Variants in SMARCD2 observed in about 807,000 individuals in gnomAD.
The protein encoded by SMARCD2 is SWI/SNF related BAF chromatin remodeling complex subunit D2, also known as SWI/SNF-related matrix-associated actin-dependent regulator of chromatin subfamily D member 2.
Under a neutral mutation model 70.4 loss-of-function variants are expected in SMARCD2, and 39 were observed. The ratio of observed to expected loss-of-function variants is 0.55; its 90% CI spans 0.43 to 0.72. The LOEUF is 0.72. Among genes scored for constraint, SMARCD2 ranks in the 30% least tolerant of loss-of-function variants. SMARCD2 has a pLI of 0.00. For missense variants in SMARCD2, 540 were observed against 713.4 expected, an observed-to-expected ratio of 0.76 and a Z score of 2.77; for synonymous variants, 249 against 279.4, an observed-to-expected ratio of 0.89 and a Z score of 1.08.
Position 63,834,079 on chromosome 17 carries a change from G to A in SMARCD2, c.1084-73C>T. 1 of 1,589,632 alleles carries A rather than the reference G, an allele frequency of 6.3e-7. No individual in the cohort carries two copies. The highest frequency in any genetic ancestry group is 1.1e-5 in the South Asian group (1 of 90,074). ...GTGGACCATTCCAGGACCAGTGAGGGCAGCAGTCTGCAGGCTGTGGCCAAG... is the reference window on the plus strand; with the variant it reads ...GTGGACCATTCCAGGACCAGTGAGGACAGCAGTCTGCAGGCTGTGGCCAAG... On this transcript the variant is annotated intron_variant, in intron 8 of 12. Transcript: ENST00000448276. This position sits in a 1 kb window ranked among gnomAD's most constrained non-coding sequence, Gnocchi z 5.6.
rs2040232637 is a variant in SMARCD2, at chr17:63,834,061, A to G, written c.1084-55T>C. The G allele has an allele frequency of 6.3e-7, 1 of 1,594,082 alleles. No homozygotes were observed. Among genetic ancestry groups the G allele is most frequent in the Non-Finnish European group, 8.6e-7 (1 of 1,162,256 alleles). On this transcript the variant is annotated intron_variant, in intron 8 of 12. Transcript: ENST00000448276. This position sits in a 1 kb window ranked among gnomAD's most constrained non-coding sequence, Gnocchi z 5.6. ...GCTTGTGGGCACAGTGGAGTGGACC[A>G]TTCCAGGACCAGTGAGGGCAGCAGT... is the stretch of plus-strand genomic sequence containing the variant.
At chr17:63,835,277 C>T (rs907373498) in intron 5 of SMARCD2, 135 bp downstream of exon 5, 37 of 838,550 alleles carry the variant, frequency 4.4e-5, no homozygotes, top group African/African-American at 6.9e-5. Flanking sequence ...TGCATGCCAC[C>T]GCACCCAGCT....
intron 1 of SMARCD2, among the ~76,000 whole-genome samples, chr17:63,841,759 G>A (rs1452188566): frequency 1.3e-5 from 2 of 152,208 alleles, no homozygotes; most frequent in African/African-American, 4.8e-5. Flanking sequence ...ATCAACTCCC[G>A]GACACGATGA....
rs2040228009 is a variant in SMARCD2, at chr17:63,833,820, AAG to A, written c.1181+87_1181+88del. The A allele has an allele frequency of 1.3e-6, 2 of 1,573,950 alleles. No homozygotes were observed. The highest frequency in any genetic ancestry group is 2.7e-5 in the African/African-American group (2 of 73,828). On this transcript the variant is annotated intron_variant, in intron 9 of 12. Coordinates refer to ENST00000448276, the MANE Select transcript of SMARCD2 (RefSeq NM_001098426.2). This position sits in a 1 kb window ranked among gnomAD's most constrained non-coding sequence, Gnocchi z 4.3. The stretch of plus-strand genomic sequence containing the variant: ...CATTCTCTGCACACACTCAGGGAAA[AAG>A]AAACCTGATGCTTTCTTTGGCTTTA...
rs1197252790 is a variant in SMARCD2 at position 63,832,914 on chromosome 17, C to T, written c.*24G>A. On this transcript the variant is annotated 3_prime_UTR_variant, in exon 13 of 13. Coordinates refer to ENST00000448276, the MANE Select transcript of SMARCD2 (RefSeq NM_001098426.2). ...GGTGGTCTCCCTCCAGGCTCCAGGG[C>T]TGGGAAGAAAGATCCCTGAGCAGTT... The T allele has an allele frequency of 6.4e-7, 1 of 1,553,478 alleles. No homozygotes were observed. The highest frequency in any genetic ancestry group is 2.4e-5 in the East Asian group (1 of 41,160).
chr17:63,842,657 C>T lies in SMARCD2; in HGVS notation c.18G>A (p.Ala6=). 2 of 1,285,380 alleles carry T rather than the reference C, an allele frequency of 1.6e-6. No individual in the cohort carries two copies. Among genetic ancestry groups the T allele is most frequent in the Admixed American group, 3.9e-5 (1 of 25,898 alleles). 79.6% of individuals were successfully genotyped at this position (1,285,380 alleles called of 1,614,324 possible). The change falls in exon 1 of 13, where the codon GCG becomes GCA. Residue 6 remains alanine, a synonymous_variant. Coordinates refer to ENST00000448276, the MANE Select transcript of SMARCD2 (RefSeq NM_001098426.2). ...TTAGCGGGGGCAGCGGGAACCCGCC[C>T]GCGCCTCGGCCCGACATCGCTCCGT... MSGRG[A]GGFPLPPLSP... is the part of the protein sequence containing the mutation.
At chr17:63,835,048 A>G in intron 5 of SMARCD2, 1 of 552,708 alleles carries the variant, frequency 1.8e-6, no homozygotes, top group East Asian at 3.0e-5. Context: ...TAACCACACA[A>G]ATCAACCTCC....
chr17:63,839,106 G>A (rs919652391), intron 1 of SMARCD2: 15 of 985,252 alleles, frequency 1.5e-5, no homozygotes, highest in African/African-American at 1.7e-5. Flanking sequence ...GCTGTTGAAA[G>A]GCAAAAGACA....
chr17:63,839,207 G>C (rs1368983506), intron 1 of SMARCD2: 1 of 985,282 alleles, frequency 1.0e-6, no homozygotes, highest in East Asian at 1.1e-4. Flanking sequence ...CCCAGGCCCA[G>C]ACATCCCAGA....
Position 63,834,731 on chromosome 17 carries a change from A to G in SMARCD2, c.793T>C (p.Tyr265His). 1 of 1,613,666 alleles carries G rather than the reference A, an allele frequency of 6.2e-7. No homozygotes were observed. The highest frequency in any genetic ancestry group is 8.5e-7 in the Non-Finnish European group (1 of 1,179,554). Residue 265 changes from tyrosine (Y) to histidine (H), a missense_variant, in exon 6 of 13, where the codon TAC (tyrosine) becomes CAC (histidine). Tyr to His is a moderately conservative substitution (Grantham distance 83). Transcript: ENST00000448276. This position sits in a 1 kb window ranked among gnomAD's most constrained non-coding sequence, Gnocchi z 5.6. ...TCCACCAGGTGATTGTCAGGCCCGT[A>G]CAGCTCCTTGTCCAGCTCAATGACG... ...SLVIELDKEL[Y>H]GPDNHLVEWH...
rs1043179983 is a variant in SMARCD2 at position 63,833,879 on chromosome 17, G to A, written c.1181+30C>T. On this transcript the variant is annotated intron_variant, in intron 9 of 12. Coordinates refer to ENST00000448276, the MANE Select transcript of SMARCD2 (RefSeq NM_001098426.2). This position sits in a 1 kb window ranked among gnomAD's most constrained non-coding sequence, Gnocchi z 4.3. ...GCCAAGGGTGAATCTGCTCTTAGAA[G>A]AGCCTTCCTGTCCCCCTCCTTGCAT... 4 of 1,563,326 alleles carry A rather than the reference G, an allele frequency of 2.6e-6. No homozygotes were observed. Among genetic ancestry groups the A allele is most frequent in the Non-Finnish European group, 3.5e-6 (4 of 1,134,624 alleles).
At chr17:63,839,646 C>G (rs1226154642) in intron 1 of SMARCD2, among the ~76,000 whole-genome samples, 2 of 151,786 alleles carry the variant, frequency 1.3e-5, no homozygotes, top group Admixed American at 1.3e-4. Context: ...GTCCAGCACT[C>G]TGAGCCTCCC....
chr17:63,833,860 G>T lies in SMARCD2; in HGVS notation c.1181+49C>A, dbSNP rs754422143. ...TTCTTTGGCTTTAGTTCAAGCCAAG[G>T]GTGAATCTGCTCTTAGAAGAGCCTT... On this transcript the variant is annotated intron_variant, in intron 9 of 12. Transcript: ENST00000448276. The surrounding 1 kb of genome is among the most constrained non-coding windows in gnomAD (Gnocchi z 4.3). 2 of 1,550,582 alleles carry T rather than the reference G, an allele frequency of 1.3e-6. No individual in the cohort carries two copies. Among genetic ancestry groups the T allele is most frequent in the Non-Finnish European group, 1.8e-6 (2 of 1,123,326 alleles).
At chr17:63,835,383 T>A in intron 5 of SMARCD2, 29 bp downstream of exon 5, 1 of 1,603,112 alleles carries the variant, frequency 6.2e-7, no homozygotes, top group Non-Finnish European at 8.5e-7. Flanking sequence ...CAGGCCTCCT[T>A]CCCTCCAGAA....
rs560814225 is a variant in SMARCD2, at chr17:63,834,927, A to C, written c.724-127T>G. 1.0e-4 allele frequency: 71 copies of C among 691,388 alleles called. No individual in the cohort carries two copies. The highest frequency in any genetic ancestry group is 4.0e-4 in the Middle Eastern group (1 of 2,528). The allele number at this position is 691,388 out of a possible 1,614,324, so 42.8% of individuals were successfully genotyped here. A position where few individuals can be genotyped will look rare whatever the true frequency, so the allele number is the denominator to read the frequency against. ...GGATACTGAAGATTCCTGGGCCCTG[A>C]AGGATGGAAGCAGGACTCTGGGCAG... On this transcript the variant is annotated intron_variant, in intron 5 of 12. Transcript: ENST00000448276. The surrounding 1 kb of genome is among the most constrained non-coding windows in gnomAD (Gnocchi z 5.6).
intron 1 of SMARCD2, among the ~76,000 whole-genome samples, chr17:63,841,825 C>G (rs937759599): frequency 6.4e-4 from 97 of 152,344 alleles, no homozygotes; most frequent in Non-Finnish European, 2.2e-4. Flanking sequence ...GGCCTCCCCT[C>G]AGGCCAGGCC....
chr17:63,832,956 C>T lies in SMARCD2; in HGVS notation c.1578G>A (p.Leu526=). ...QQRRQELEQV[L]GIRLT is the part of the protein sequence containing the mutation. ...TGAGCAGTTAGGTCAGGCGAATTCC[C>T]AGCACCTGTTCCAGTTCCTGCCTTC... The change falls in exon 13 of 13, where the codon CTG becomes CTA. Residue 526 remains leucine (L), a synonymous_variant. Coordinates refer to ENST00000448276, the MANE Select transcript of SMARCD2 (RefSeq NM_001098426.2). 1 of 1,574,296 alleles carries T rather than the reference C, an allele frequency of 6.4e-7. No individual in the cohort carries two copies. Among genetic ancestry groups the T allele is most frequent in the Non-Finnish European group, 8.6e-7 (1 of 1,161,394 alleles).
In SMARCD2 at chr17:63,835,437, C is replaced by T. The variant is rs369920338; in HGVS notation, c.698G>A (p.Arg233Gln). 3.1e-6 allele frequency: 5 copies of T among 1,613,586 alleles called. No homozygotes were observed. Among genetic ancestry groups the T allele is most frequent in the South Asian group, 1.1e-5 (1 of 91,044 alleles). The change falls in exon 5 of 13, where the codon CGA (arginine) becomes CAA (glutamine). Residue 233 changes from arginine to glutamine, a missense_variant. Coordinates refer to ENST00000448276, the MANE Select transcript of SMARCD2 (RefSeq NM_001098426.2). The stretch of plus-strand genomic sequence containing the variant: ...ATCATCCAGCAGTTTTCCTTCCACT[C>T]GGAGTTCCCAGGAAGCCACCTTGTC... ...AGDKVASWEL[R>Q]VEGKLLDDPS...
Position 63,837,354 on chromosome 17 carries a change from A to G in SMARCD2, c.401+87T>C. 6.6e-7 allele frequency: 1 copy of G among 1,523,186 alleles called. No individual in the cohort carries two copies. Among genetic ancestry groups the G allele is most frequent in the Non-Finnish European group, 9.1e-7 (1 of 1,098,624 alleles). 94.4% of individuals were successfully genotyped at this position (1,523,186 alleles called of 1,614,324 possible). ...CCCAGGAGAGCCTGGAGTCATCCTC[A>G]GTCACCAAAGCTCTTAAGATAGAAG... On this transcript the variant is annotated intron_variant, in intron 2 of 12. Coordinates refer to ENST00000448276, the MANE Select transcript of SMARCD2 (RefSeq NM_001098426.2). The surrounding 1 kb of genome is among the most constrained non-coding windows in gnomAD (Gnocchi z 6.4).
Sources: allele counts gnomAD v4.1 joint callset (sites outside exome capture counted in the v4.1 genomes callset), GRCh38; gene constraint gnomAD v4.1.1; non-coding constraint Gnocchi (gnomAD v3.1); transcripts MANE v1.5; gene names NCBI Gene and HGNC (gene_info 2026-07-23, HGNC 2026-07-21).